Variants in CSTF3 observed in about 807,000 individuals in gnomAD.
CSTF3 encodes the protein cleavage stimulation factor subunit 3, also known as CF-1 77 kDa subunit.
In CSTF3, 29 loss-of-function variants were observed where a neutral mutation model predicts 105.8. The ratio of observed to expected loss-of-function variants is 0.27; its 90% CI spans 0.20 to 0.37. CSTF3 has a LOEUF of 0.37. Ranked by LOEUF, CSTF3 falls within the 10% of genes least tolerant of loss-of-function variation. CSTF3 has a pLI of 1.00. For synonymous variants in CSTF3, 252 were observed against 281.9 expected, an observed-to-expected ratio of 0.89 and a Z score of 1.06; for missense variants, 357 against 879.3, an observed-to-expected ratio of 0.41 and a Z score of 7.51.
chr11:33,128,241 T>C (rs1341517035), intron 3 of CSTF3, among the ~76,000 whole-genome samples: 2 of 152,140 alleles, frequency 1.3e-5, no homozygotes, highest in Non-Finnish European at 2.9e-5. Flanking sequence ...AAGTGAAAAC[T>C]CTGGCCAATT....
chr11:33,092,376 C>A (rs771602234), intron 15 of CSTF3, 36 bp from the exon 16 acceptor site: 4 of 1,340,822 alleles, frequency 3.0e-6, no homozygotes, highest in African/African-American at 1.5e-5. Flanking sequence ...TTTTTTAATT[C>A]ACTTTTACGA....
intron 3 of CSTF3, among the ~76,000 whole-genome samples, chr11:33,114,622 G>C (rs901828615): frequency 1.3e-5 from 2 of 152,022 alleles, no homozygotes; most frequent in Non-Finnish European, 2.9e-5. Flanking sequence ...AGGCCGAGGC[G>C]GGTGGATCAC....
chr11:33,117,055 G>A (rs1855437724), intron 3 of CSTF3, among the ~76,000 whole-genome samples: 1 of 151,812 alleles, frequency 6.6e-6, no homozygotes, highest in South Asian at 2.1e-4. Context: ...ATGGGGGTTG[G>A]TTTCATCAAT....
In CSTF3 at chr11:33,141,663, T is replaced by C. The variant is rs760855392; in HGVS notation, c.225+4A>G. 2 of 1,609,236 alleles carry C rather than the reference T, an allele frequency of 1.2e-6. No homozygotes were observed. Among genetic ancestry groups the C allele is most frequent in the South Asian group, 2.2e-5 (2 of 89,782 alleles). ...TATAAGAAAAAATAAAATAAAATAGTAACCTCTGCTTCAATGTACAGTTTC... is the reference window on the plus strand; with the variant it reads ...TATAAGAAAAAATAAAATAAAATAGCAACCTCTGCTTCAATGTACAGTTTC... On this transcript the variant is annotated splice_donor_region_variant and intron_variant, in intron 3 of 20. Coordinates refer to ENST00000323959, the MANE Select transcript of CSTF3 (RefSeq NM_001326.3).
At chr11:33,151,312 TC>T (rs1855856260) in intron 1 of CSTF3, among the ~76,000 whole-genome samples, 1 of 152,010 alleles carries the variant, frequency 6.6e-6, no homozygotes, top group Admixed American at 6.6e-5. Context: ...CACCTAGACC[TC>T]CCGATAATGG....
chr11:33,129,237 G>T (rs1342748108), intron 3 of CSTF3, among the ~76,000 whole-genome samples: 2 of 152,076 alleles, frequency 1.3e-5, no homozygotes, highest in African/African-American at 2.4e-5. Flanking sequence ...GGTTACAGGT[G>T]CACACCACCA....
At chr11:33,098,643 T>C in intron 13 of CSTF3, 47 bp downstream of exon 13, 1 of 1,069,590 alleles carries the variant, frequency 9.3e-7, no homozygotes. Context: ...TATTTTTTGT[T>C]AGATAAGACT....
intron 3 of CSTF3, among the ~76,000 whole-genome samples, chr11:33,130,387 C>T (rs1056810956): frequency 6.6e-6 from 1 of 152,072 alleles, no homozygotes; most frequent in South Asian, 2.1e-4. Flanking sequence ...CCAGGAGAAT[C>T]GCTTGAATGC....
At chr11:33,117,607 T>C (rs2133784707) in intron 3 of CSTF3, among the ~76,000 whole-genome samples, 1 of 151,748 alleles carries the variant, frequency 6.6e-6, no homozygotes, top group Middle Eastern at 3.4e-3. Context: ...TTTAATAACT[T>C]CCCCCAGATC....
chr11:33,146,328 T>G (rs934145908), intron 1 of CSTF3, among the ~76,000 whole-genome samples: 2 of 152,144 alleles, frequency 1.3e-5, no homozygotes, highest in African/African-American at 4.8e-5. Context: ...CTACTGCACA[T>G]GTACACAAAG....
intron 3 of CSTF3, among the ~76,000 whole-genome samples, chr11:33,128,292 G>A (rs1425809884): frequency 6.6e-6 from 1 of 151,818 alleles, no homozygotes; most frequent in East Asian, 1.9e-4. Context: ...ACTATTAAAG[G>A]GAAAATTTTA....
chr11:33,086,106 A>C (rs1855102663), intron 18 of CSTF3, 117 bp from the exon 19 acceptor site: 1 of 652,180 alleles, frequency 1.5e-6, no homozygotes, highest in Non-Finnish European at 2.4e-6. Flanking sequence ...CTGGACACTG[A>C]AAATACTTCT....
rs1465747134 is a variant in CSTF3, at chr11:33,085,740, T to C, written c.1924A>G (p.Ile642Val). 6 of 1,613,856 alleles carry C rather than the reference T, an allele frequency of 3.7e-6. No homozygotes were observed. The highest frequency in any genetic ancestry group is 4.2e-6 in the Non-Finnish European group (5 of 1,179,802). The part of the protein sequence containing the change: ...PFVQVDELME[I>V]FRRCKIPNTV... The stretch of plus-strand genomic sequence containing the variant: ...TTTGGTATCTTGCATCTTCGGAAAA[T>C]TTCCATCAGTTCATCCACTTGTACA... The change falls in exon 20 of 21, where the codon ATT becomes GTT. Residue 642 changes from isoleucine (I) to valine (V), a missense_variant. Physicochemically the swap from Ile to Val is conservative, Grantham distance 29. Coordinates refer to ENST00000323959, the MANE Select transcript of CSTF3 (RefSeq NM_001326.3).
intron 3 of CSTF3, among the ~76,000 whole-genome samples, chr11:33,136,988 T>C (rs1855660819): frequency 6.6e-6 from 1 of 151,874 alleles, no homozygotes; most frequent in Non-Finnish European, 1.5e-5. Context: ...TCCTTTTTGT[T>C]TCACCATTAA....
intron 15 of CSTF3, among the ~76,000 whole-genome samples, chr11:33,094,781 T>G (rs955582610): frequency 5.3e-5 from 8 of 152,096 alleles, no homozygotes; most frequent in Non-Finnish European, 1.0e-4. Context: ...AATATTAAAA[T>G]TACTGATTTA....
chr11:33,088,635 C>T (rs893812008), intron 17 of CSTF3, among the ~76,000 whole-genome samples: 5 of 151,684 alleles, frequency 3.3e-5, no homozygotes, highest in African/African-American at 1.2e-4. Context: ...TTTTTTAAGA[C>T]AGGGTCTCAC....
chr11:33,155,463 C>T (rs1849851168), intron 1 of CSTF3, among the ~76,000 whole-genome samples: 1 of 151,136 alleles, frequency 6.6e-6, no homozygotes, highest in Non-Finnish European at 1.5e-5. Context: ...AGTAAACTTG[C>T]ATATTCATCC....
chr11:33,109,682 G>C (rs1468772648), intron 3 of CSTF3, among the ~76,000 whole-genome samples: 2 of 152,178 alleles, frequency 1.3e-5, no homozygotes, highest in African/African-American at 4.8e-5. Context: ...AGCAGGTTGA[G>C]CACTGAGTAA....
At chr11:33,089,403 G>A (rs373349358) in intron 17 of CSTF3, among the ~76,000 whole-genome samples, 1 of 151,152 alleles carries the variant, frequency 6.6e-6, no homozygotes, top group Non-Finnish European at 1.5e-5. Flanking sequence ...TCTTATCAAG[G>A]TTATAACAAA....
Sources: gnomAD v4.1 joint callset for allele counts (sites outside exome capture counted in the v4.1 genomes callset) on GRCh38, gnomAD v4.1.1 for gene constraint, MANE v1.5 for transcripts, NCBI Gene and HGNC (gene_info 2026-07-23, HGNC 2026-07-21) for gene names.